The following RYR2 variants were observed in gnomAD, a reference collection of about 807,000 sequenced individuals.
The protein encoded by RYR2 is ryanodine receptor 2.
RYR2 carries 227 observed loss-of-function variants against 601.1 expected under a neutral mutation model. The observed-to-expected ratio is 0.38, with a 90% CI of 0.34 to 0.42. The LOEUF (loss-of-function observed/expected upper bound fraction) is 0.42, where lower values mean the gene tolerates loss of function less well. Among genes scored for constraint, RYR2 ranks in the 10% least tolerant of loss-of-function variants. The pLI, the probability that RYR2 is intolerant of heterozygous loss-of-function variation, is 1.00. For synonymous variants in RYR2, 2,223 were observed against 2,175.1 expected, an observed-to-expected ratio of 1.02 and a Z score of -0.61; for missense variants, 4,646 against 6,156.5, an observed-to-expected ratio of 0.75 and a Z score of 8.21.
In RYR2 at chr1:237,614,008, A is replaced by T. The variant is rs746390838; in HGVS notation, c.4911-31A>T. 1 of 1,573,894 alleles carries T rather than the reference A, an allele frequency of 6.4e-7. No homozygotes were observed. The highest frequency in any genetic ancestry group is 1.8e-5 in the Admixed American group (1 of 56,650). On this transcript the variant is annotated intron_variant, in intron 36 of 104. Coordinates refer to ENST00000366574, the MANE Select transcript of RYR2 (RefSeq NM_001035.3). This position sits in a 1 kb window ranked among gnomAD's most constrained non-coding sequence, Gnocchi z 4.3. ...AGATTTTAAAAAATCATTCATTTCT[A>T]ATCTTACTACCACTCTCCTCCCTTC...
At chr1:237,476,012 A>G (rs1169007042) in intron 17 of RYR2, among the ~76,000 whole-genome samples, 1 of 152,258 alleles carries the variant, frequency 6.6e-6, no homozygotes, top group Non-Finnish European at 1.5e-5. Flanking sequence ...AGTCCTTGAA[A>G]TACGATTTGG....
At chr1:237,687,363 C>CTTTTTTTTTTTTT in intron 62 of RYR2, 92 bp from the exon 63 acceptor site, 1 of 452,438 alleles carries the variant, frequency 2.2e-6, no homozygotes, top group Non-Finnish European at 3.5e-6. Context: ...CTTTTTTCTT[C>CTTTTTTTTTTTTT]TTCTTTTTTT....
At chr1:237,778,879 CTT>C (rs2149336011) in intron 88 of RYR2, 109 bp downstream of exon 88, 1 of 553,200 alleles carries the variant, frequency 1.8e-6, no homozygotes, top group African/African-American at 1.9e-5. Flanking sequence ...TTTAAAATCA[CTT>C]TATCACTTGT....
In RYR2 at chr1:237,784,186, C is replaced by G. The variant is rs755801929; in HGVS notation, c.12474C>G (p.Thr4158=). 1.9e-6 allele frequency: 3 copies of G among 1,613,972 alleles called. No individual in the cohort carries two copies. The highest frequency in any genetic ancestry group is 2.2e-5 in the South Asian group (2 of 91,076). The change falls in exon 90 of 105, where the codon ACC becomes ACG. Residue 4158 remains threonine, a synonymous_variant. Transcript: ENST00000366574. This position sits in a 1 kb window ranked among gnomAD's most constrained non-coding sequence, Gnocchi z 7.1. ...VYFEISESSR[T]QWEKPQVKES... ...TTGAAATCAGTGAGTCCAGCCGAAC[C>G]CAGTGGGAGAAGCCCCAGGTCAAGG... is the stretch of plus-strand genomic sequence containing the variant.
chr1:237,515,865 CTT>C (rs1230670225), intron 24 of RYR2, among the ~76,000 whole-genome samples: 1 of 142,160 alleles, frequency 7.0e-6, no homozygotes, highest in Non-Finnish European at 1.5e-5. Context: ...TCTCTTCTCT[CTT>C]CTTTTCCTTC....
intron 8 of RYR2, among the ~76,000 whole-genome samples, chr1:237,381,949 G>A (rs1701556269): frequency 6.6e-6 from 1 of 152,100 alleles, no homozygotes. Flanking sequence ...TTCTTTTAAA[G>A]AAGGCCTTAG....
chr1:237,700,021 T>G (rs1234075760), intron 64 of RYR2, among the ~76,000 whole-genome samples: 1 of 152,238 alleles, frequency 6.6e-6, no homozygotes, highest in Non-Finnish European at 1.5e-5. Flanking sequence ...ATAAGTTGAC[T>G]ATGAAGGCAT....
At chr1:237,403,384 A>AGTGCT (rs1703563827) in intron 10 of RYR2, among the ~76,000 whole-genome samples, 1 of 152,194 alleles carries the variant, frequency 6.6e-6, no homozygotes, top group Non-Finnish European at 1.5e-5. Flanking sequence ...CTTAAAGAAA[A>AGTGCT]TATCTGGCAA....
intron 3 of RYR2, among the ~76,000 whole-genome samples, chr1:237,352,056 G>C (rs956523209): frequency 4.6e-5 from 7 of 151,770 alleles, no homozygotes; most frequent in Admixed American, 2.6e-4. Flanking sequence ...TATTTTAACA[G>C]ATACTATAAA....
chr1:237,445,483 T>G lies in RYR2; in HGVS notation c.1253T>G (p.Val418Gly). 6.2e-7 allele frequency: 1 copy of G among 1,613,710 alleles called. No homozygotes were observed. Among genetic ancestry groups the G allele is most frequent in the South Asian group, 1.1e-5 (1 of 91,086 alleles). ...CATGAAGAATCACGCACAGCCCGAG[T>G]TATCCGGAGCACAGTCTTCCTTTTC... is the stretch of plus-strand genomic sequence containing the variant. ...SQHEESRTAR[V>G]IRSTVFLFNR... is the part of the protein sequence containing the mutation. The change falls in exon 14 of 105, where the codon GTT (valine) becomes GGT (glycine). Residue 418 changes from valine to glycine, a missense_variant. Transcript: ENST00000366574.
At chr1:237,147,259 T>C (rs1674103315) in intron 1 of RYR2, among the ~76,000 whole-genome samples, 1 of 152,228 alleles carries the variant, frequency 6.6e-6, no homozygotes. Context: ...TAGTTTGGGT[T>C]AATAATTAAG....
At chr1:237,566,874 A>G (rs75580777) in intron 28 of RYR2, 99 bp downstream of exon 28, 3 of 1,163,212 alleles carry the variant, frequency 2.6e-6, no homozygotes, top group Non-Finnish European at 3.8e-6. Context: ...TGTTTCCCAC[A>G]GCACAAACGT....
chr1:237,324,717 G>T (rs1009891367), intron 2 of RYR2, among the ~76,000 whole-genome samples: 6 of 152,134 alleles, frequency 3.9e-5, no homozygotes, highest in African/African-American at 1.4e-4. Context: ...AGGTATCTTG[G>T]CTAGTTACCC....
intron 29 of RYR2, among the ~76,000 whole-genome samples, chr1:237,583,115 G>A (rs1348755666): frequency 6.6e-6 from 1 of 151,944 alleles, no homozygotes; most frequent in South Asian, 2.1e-4. Flanking sequence ...TTTAATAATA[G>A]CCATTCTGAC....
At chr1:237,199,379 G>A (rs1048010801) in intron 1 of RYR2, among the ~76,000 whole-genome samples, 2 of 152,214 alleles carry the variant, frequency 1.3e-5, no homozygotes, top group Non-Finnish European at 2.9e-5. Flanking sequence ...AAGAGCCCCT[G>A]GCAAAGCACT....
rs761078499 is a variant in RYR2 at position 237,512,309 on chromosome 1, G to GA, written c.2822+523dup. Among the ~76,000 whole-genome samples, 9 of 151,984 alleles carry GA rather than the reference G, an allele frequency of 5.9e-5. 1 individual carries two copies. The highest frequency in any genetic ancestry group is 1.3e-4 in the Non-Finnish European group (9 of 68,002). ...TAACAATTTTATTGTATTATATCAG[G>GA]AAAAACCACAATAGACCAAATATTA... On this transcript the variant is annotated intron_variant, in intron 24 of 104. Transcript: ENST00000366574.
At chr1:237,236,178 A>G (rs894941654) in intron 1 of RYR2, among the ~76,000 whole-genome samples, 1 of 152,224 alleles carries the variant, frequency 6.6e-6, no homozygotes, top group Non-Finnish European at 1.5e-5. Flanking sequence ...AGATCTAAGT[A>G]GGAAAGGAAA....
intron 70 of RYR2, among the ~76,000 whole-genome samples, chr1:237,711,522 T>G (rs1688839623): frequency 6.6e-6 from 1 of 152,238 alleles, no homozygotes; most frequent in Admixed American, 6.5e-5. Context: ...AATCTTAGTT[T>G]TCCCATCTTT....
chr1:237,795,253 TA>T, intron 95 of RYR2, 35 bp from the exon 96 acceptor site: 1 of 1,007,256 alleles, frequency 9.9e-7, no homozygotes, highest in Non-Finnish European at 1.4e-6. Flanking sequence ...TCATTAAAAA[TA>T]ATACTATTTA....
Sources: allele counts gnomAD v4.1 joint callset (sites outside exome capture counted in the v4.1 genomes callset), GRCh38; gene constraint gnomAD v4.1.1; non-coding constraint Gnocchi (gnomAD v3.1); transcripts MANE v1.5; gene names NCBI Gene and HGNC (gene_info 2026-07-23, HGNC 2026-07-21).